Variants in TEX14 observed in about 807,000 individuals in gnomAD.
TEX14 encodes the protein testis expressed 14, intercellular bridge forming factor.
In TEX14, 168 loss-of-function variants were observed where a neutral mutation model predicts 178.6. The observed-to-expected ratio is 0.94, with a 90% CI of 0.83 to 1.07. TEX14 has a LOEUF of 1.07. TEX14 is among the 50% of genes least tolerant of loss of function. TEX14 has a pLI of 0.00. For synonymous variants in TEX14, 626 were observed against 634.1 expected (o/e 0.99, Z 0.19); for missense variants, 1,730 against 1,753.6 (o/e 0.99, Z 0.24).
chr17:58,646,935 C>T (rs575313735), intron 2 of TEX14, among the ~76,000 whole-genome samples: 10 of 149,892 alleles, frequency 6.7e-5, no homozygotes, highest in Admixed American at 1.3e-4. Flanking sequence ...GACAGAGTTT[C>T]GCTCTTGTTT....
intron 6 of TEX14, among the ~76,000 whole-genome samples, chr17:58,617,063 C>A (rs1049598640): frequency 2.6e-5 from 4 of 152,132 alleles, no homozygotes; most frequent in Non-Finnish European, 4.4e-5. Flanking sequence ...CCAGCCTGGG[C>A]AACATGGCGA....
At chr17:58,672,512 C>A (rs1335929927) in intron 1 of TEX14, among the ~76,000 whole-genome samples, 1 of 152,224 alleles carries the variant, frequency 6.6e-6, no homozygotes, top group African/African-American at 2.4e-5. Context: ...CAGCTTGCTG[C>A]AACCTCTGCC....
At chr17:58,678,880 G>A (rs927323950) in intron 1 of TEX14, among the ~76,000 whole-genome samples, 4 of 149,560 alleles carry the variant, frequency 2.7e-5, no homozygotes, top group Non-Finnish European at 5.9e-5. Context: ...GGAGCCAGGC[G>A]CCGTGGCTCA....
chr17:58,681,602 T>C (rs896559350), intron 1 of TEX14, among the ~76,000 whole-genome samples: 1 of 151,780 alleles, frequency 6.6e-6, no homozygotes, highest in East Asian at 1.9e-4. Context: ...GTAATCCCAG[T>C]ACTGTGGGAG....
rs114034514 is a variant in TEX14 at position 58,600,253 on chromosome 17, G to A, written c.1679-587C>T. On this transcript the variant is annotated intron_variant, in intron 13 of 31. Transcript: ENST00000349033. ...TAACAGTAGCCTAGGGCCAGGCGTG[G>A]TGGTTCACGCCTGTAATCCCAACAC... 7.7e-3 allele frequency among the ~76,000 whole-genome samples: 1,174 copies of A among 152,298 alleles called. 15 individuals carry two copies. The highest frequency in any genetic ancestry group is 0.026 in the African/African-American group (1,093 of 41,560).
In TEX14 at chr17:58,561,632, G is replaced by A. The variant is rs1186804081; in HGVS notation, c.4065-20C>T. On this transcript the variant is annotated intron_variant, in intron 28 of 31. Transcript: ENST00000349033. ...TGAGCTCTGTTTAAGGACAAGTGAA[G>A]AGAATGGAGACAACAGTCATTTCCC... is the stretch of plus-strand genomic sequence containing the variant. The A allele has an allele frequency of 6.5e-7, 1 of 1,527,762 alleles. No homozygotes were observed. Among genetic ancestry groups the A allele is most frequent in the Admixed American group, 1.7e-5 (1 of 59,626 alleles). The allele number at this position is 1,527,762 out of a possible 1,614,324, so 94.6% of individuals were successfully genotyped here. A position where few individuals can be genotyped will look rare whatever the true frequency, so the allele number is the denominator to read the frequency against.
intron 14 of TEX14, among the ~76,000 whole-genome samples, chr17:58,596,470 CAG>C (rs1255030442): frequency 1.3e-5 from 2 of 151,956 alleles, no homozygotes; most frequent in African/African-American, 4.8e-5. Context: ...TTTGTAGAAA[CAG>C]GGTTTCGTTA....
chr17:58,652,322 C>G (rs1011138081), intron 1 of TEX14, among the ~76,000 whole-genome samples: 1 of 152,160 alleles, frequency 6.6e-6, no homozygotes, highest in Non-Finnish European at 1.5e-5. Flanking sequence ...ATCCCCACAA[C>G]GTCATGGGAG....
At chr17:58,563,658 TAGAGAGAGAGAGAG>T (rs1180956521) in intron 28 of TEX14, among the ~76,000 whole-genome samples, 8 of 17,490 alleles carry the variant, frequency 4.6e-4, no homozygotes, top group South Asian at 5.6e-3. Flanking sequence ...TATATATATA[TAGAGAGAGAGAGAG>T]AGAGAGAGAG....
chr17:58,617,482 C>A, intron 6 of TEX14, 56 bp downstream of exon 6: 1 of 1,306,570 alleles, frequency 7.7e-7, no homozygotes. Context: ...GGAGATGGGG[C>A]CCGATGATTC....
chr17:58,619,816 A>C (rs926638312), intron 5 of TEX14, among the ~76,000 whole-genome samples: 64 of 148,446 alleles, frequency 4.3e-4, no homozygotes, highest in African/African-American at 1.5e-3. Context: ...AAAAAAAAAA[A>C]GGTGGGGGAA....
rs574423587 is a variant in TEX14 at position 58,616,175 on chromosome 17, T to C, written c.767A>G (p.Asn256Ser). The change falls in exon 7 of 32, where the codon AAC becomes AGC. Residue 256 changes from asparagine (N) to serine (S), a missense_variant and splice_region_variant. Asn to Ser is a conservative substitution (Grantham distance 46, BLOSUM62 1). Coordinates refer to ENST00000349033, the MANE Select transcript of TEX14 (RefSeq NM_031272.5). Reference sequence around the variant, plus strand: ...CTCAAACTGGCCAGCCCCCACTTACTTGGTCATGACCATGTAGGGGCCGCT... The same window carrying C: ...CTCAAACTGGCCAGCCCCCACTTACCTGGTCATGACCATGTAGGGGCCGCT... ...FFSGPYMVMT[N>S]LVWNGSRVTV... is the part of the protein sequence containing the mutation. The C allele has an allele frequency of 6.2e-7, 1 of 1,610,718 alleles. No homozygotes were observed. The highest frequency in any genetic ancestry group is 8.5e-7 in the Non-Finnish European group (1 of 1,178,964).
chr17:58,581,418 T>C (rs184108353), intron 19 of TEX14, among the ~76,000 whole-genome samples: 14 of 151,906 alleles, frequency 9.2e-5, no homozygotes, highest in Non-Finnish European at 1.6e-4. Context: ...TCCTCAAAAA[T>C]AAAAAAATTT....
chr17:58,594,499 C>T (rs573883891), intron 14 of TEX14, among the ~76,000 whole-genome samples: 9 of 151,870 alleles, frequency 5.9e-5, no homozygotes, highest in South Asian at 2.1e-4. Flanking sequence ...TACAGGTGCG[C>T]GCCACTACCA....
intron 4 of TEX14, 71 bp from the exon 5 acceptor site, chr17:58,621,857 G>A: frequency 1.3e-5 from 19 of 1,516,734 alleles, no homozygotes; most frequent in Non-Finnish European, 1.7e-5. Context: ...TGGGTATGAA[G>A]ATAAGTGGTC....
chr17:58,651,732 GA>G, intron 2 of TEX14, 133 bp downstream of exon 2: 1 of 843,524 alleles, frequency 1.2e-6, no homozygotes, highest in Non-Finnish European at 1.8e-6. Flanking sequence ...CACTGCTAGA[GA>G]ACATCTAATT....
chr17:58,595,184 C>G (rs1389288656), intron 14 of TEX14, among the ~76,000 whole-genome samples: 1 of 151,694 alleles, frequency 6.6e-6, no homozygotes, highest in Non-Finnish European at 1.5e-5. Context: ...CGTTTTCATT[C>G]AATATAATTA....
rs755842678 is a variant in TEX14, at chr17:58,630,502, C to T, written c.189G>A (p.Ala63=). ...NSLGQTALFV[A]ALLGLRKFVD... ...CGAATTTCCTAAGGCCCAATAACGC[C>T]GCAACAAAAAGTGCTGTTTGGCCCA... The change falls in exon 3 of 32, where the codon GCG becomes GCA. Residue 63 remains alanine, a synonymous_variant. Coordinates refer to ENST00000349033, the MANE Select transcript of TEX14 (RefSeq NM_031272.5). The T allele has an allele frequency of 1.1e-5, 18 of 1,613,806 alleles. No individual in the cohort carries two copies. In the Admixed American group the frequency reaches 1.8e-4, roughly 16 times the overall value.
rs771142765 is a variant in TEX14, at chr17:58,573,269, A to G, written c.3423T>C (p.Tyr1141=). The change falls in exon 23 of 32, where the codon TAT becomes TAC. Residue 1141 remains tyrosine (Y), a synonymous_variant. Transcript: ENST00000349033. The part of the protein sequence containing the change: ...TDIQDLSSIS[Y]EPDSSFKEAS... ...CTTCCTTAAAAGAGCTGTCTGGTTC[A>G]TAGGAGATACTAGACAGGTCTTGAA... 1 of 1,613,608 alleles carries G rather than the reference A, an allele frequency of 6.2e-7. No individual in the cohort carries two copies. Among genetic ancestry groups the G allele is most frequent in the East Asian group, 2.2e-5 (1 of 44,882 alleles).
Sources: gnomAD v4.1 joint callset for allele counts (sites outside exome capture counted in the v4.1 genomes callset) on GRCh38, gnomAD v4.1.1 for gene constraint, MANE v1.5 for transcripts, NCBI Gene and HGNC (gene_info 2026-07-23, HGNC 2026-07-21) for gene names.